The following TMX3 variants were observed in gnomAD, a reference collection of about 807,000 sequenced individuals.
The protein encoded by TMX3 is protein disulfide-isomerase TMX3.
A neutral mutation model predicts 64.4 loss-of-function variants in TMX3; 40 were observed. That is an observed-to-expected ratio of 0.62 (90% CI 0.48 to 0.81). TMX3 has a LOEUF of 0.81. TMX3 is among the 30% of genes least tolerant of loss of function. The pLI, the probability that TMX3 is intolerant of heterozygous loss-of-function variation, is 0.00. For synonymous variants in TMX3, 189 were observed against 175.7 expected (o/e 1.08, Z -0.60); for missense variants, 497 against 534.5 (o/e 0.93, Z 0.69).
intron 4 of TMX3, among the ~76,000 whole-genome samples, chr18:68,709,361 T>G (rs565018968): frequency 4.1e-4 from 62 of 152,302 alleles, no homozygotes; most frequent in Non-Finnish European, 5.1e-4. Context: ...CAGATAAATA[T>G]TTTAGGCTTT....
intron 8 of TMX3, among the ~76,000 whole-genome samples, chr18:68,694,608 C>T (rs167444): frequency 0.21 from 32,095 of 151,928 alleles, 4,997 homozygotes; most frequent in African/African-American, 0.44. Context: ...GCCCAGTGGG[C>T]GCAAGCAAAA....
At chr18:68,708,079 A>G (rs146005099) in intron 4 of TMX3, among the ~76,000 whole-genome samples, 2 of 150,998 alleles carry the variant, frequency 1.3e-5, no homozygotes, top group Admixed American at 6.6e-5. Flanking sequence ...GTATATGTGT[A>G]TATATATGTG....
At chr18:68,690,680 C>T (rs928177453) in intron 9 of TMX3, among the ~76,000 whole-genome samples, 2 of 152,144 alleles carry the variant, frequency 1.3e-5, no homozygotes, top group African/African-American at 2.4e-5. Flanking sequence ...TAAAGTACTT[C>T]AGCAAATTGA....
chr18:68,701,942 G>C, intron 4 of TMX3, 152 bp from the exon 5 acceptor site: 1 of 565,046 alleles, frequency 1.8e-6, no homozygotes, highest in Non-Finnish European at 3.1e-6. Context: ...TCACACAAAA[G>C]AAAAAAACAT....
intron 8 of TMX3, among the ~76,000 whole-genome samples, chr18:68,694,376 T>C (rs990716400): frequency 1.3e-5 from 2 of 152,210 alleles, no homozygotes; most frequent in Non-Finnish European, 2.9e-5. Context: ...TGGAAGCCAC[T>C]TGCAGTACAT....
chr18:68,712,475 C>A (rs1245648350), intron 2 of TMX3, among the ~76,000 whole-genome samples: 1 of 152,182 alleles, frequency 6.6e-6, no homozygotes, highest in Non-Finnish European at 1.5e-5. Flanking sequence ...CCGGAGGCAA[C>A]TGGTTGCACA....
chr18:68,711,688 A>G (rs1479072477), intron 2 of TMX3, among the ~76,000 whole-genome samples: 1 of 152,188 alleles, frequency 6.6e-6, no homozygotes, highest in African/African-American at 2.4e-5. Flanking sequence ...TTGCCCTTCT[A>G]GAACATTTTA....
At position 68,707,972 on chromosome 18, in the gene TMX3, CAT is replaced by C. The variant is rs537850827; in HGVS notation, c.265+2047_265+2048del. ...ATGTGTATATATGTGTATATGTGTA[CAT>C]ATATGTGTATGTGTATATATGTGTA... On this transcript the variant is annotated intron_variant, in intron 4 of 15. Coordinates refer to ENST00000299608, the MANE Select transcript of TMX3 (RefSeq NM_019022.5). Among the ~76,000 whole-genome samples the C allele has an allele frequency of 2.4e-3, 350 of 142,952 alleles. 2 individuals carry two copies. The highest frequency in any genetic ancestry group is 8.4e-3 in the African/African-American group (320 of 37,934). The allele number at this position is 142,952 out of a possible 152,430, so 93.8% of individuals were successfully genotyped here.
chr18:68,701,790 C>G lies in TMX3; in HGVS notation c.266G>C (p.Ser89Thr). Residue 89 changes from serine (S) to threonine (T), a missense_variant and splice_region_variant, in exon 5 of 16, where the codon AGC becomes ACC. Around this residue, in one of 3 missense-constraint regions of TMX3, gnomAD observed 360 missense variants for 383.5 expected, o/e 0.94. Coordinates refer to ENST00000299608, the MANE Select transcript of TMX3 (RefSeq NM_019022.5). ...TCGAACTCCAAACTCTGAAGCAATG[C>G]CTTGATAAGAAAAAGAATAAAGCAT... ...VGKMDATSYS[S>T]IASEFGVRGY... The G allele has an allele frequency of 6.2e-7, 1 of 1,609,768 alleles. No homozygotes were observed. Among genetic ancestry groups the G allele is most frequent in the Admixed American group, 1.7e-5 (1 of 59,798 alleles).
chr18:68,703,930 A>AAAAC (rs539227857), intron 4 of TMX3, among the ~76,000 whole-genome samples: 1,796 of 152,170 alleles, frequency 0.012, 10 homozygotes, highest in African/African-American at 0.021. Context: ...ACTCTGTCTC[A>AAAAC]AAACAAACAA....
intron 5 of TMX3, chr18:68,701,177 A>C: frequency 4.4e-6 from 1 of 229,834 alleles, no homozygotes; most frequent in Non-Finnish European, 7.2e-6. Context: ...CAATATATAA[A>C]TTGAAATTAC....
chr18:68,674,966 ACT>A lies in TMX3; in HGVS notation c.*1965_*1966del, dbSNP rs568682975. 2 of 152,092 alleles carry A rather than the reference ACT, an allele frequency of 1.3e-5. No individual in the cohort carries two copies. Among genetic ancestry groups the A allele is most frequent in the Non-Finnish European group, 2.9e-5 (2 of 67,974 alleles). The allele number at this position is 152,092 out of a possible 1,614,324, so 9.4% of individuals were successfully genotyped here. A position where few individuals can be genotyped will look rare whatever the true frequency, so the allele number is the denominator to read the frequency against. ...GATGTTTGCATTCACACTGAGCTTT[ACT>A]CTTTTTTTCCTATTAAGGTCTTTCA... On this transcript the variant is annotated 3_prime_UTR_variant, in exon 16 of 16. Coordinates refer to ENST00000299608, the MANE Select transcript of TMX3 (RefSeq NM_019022.5).
At position 68,713,882 on chromosome 18, in the gene TMX3, A is replaced by C; in HGVS notation, c.65T>G (p.Val22Gly). The C allele has an allele frequency of 6.3e-7, 1 of 1,582,588 alleles. No homozygotes were observed. Among genetic ancestry groups the C allele is most frequent in the Non-Finnish European group, 8.6e-7 (1 of 1,156,720 alleles). ...ATCTTCTACAAATCCTTTACAGACG[A>C]CCATATCAAGTACAACAACTGAAAA... Reference protein sequence around the residue: ...LCATVVVLDMVVCKGFVEDLD... With the variant: ...LCATVVVLDMGVCKGFVEDLD... The change falls in exon 2 of 16, where the codon GTC (valine) becomes GGC (glycine). Residue 22 changes from valine to glycine, a missense_variant. Physicochemically the swap from Val to Gly is moderately radical, Grantham distance 109 (BLOSUM62 -3). Coordinates refer to ENST00000299608, the MANE Select transcript of TMX3 (RefSeq NM_019022.5).
intron 15 of TMX3, among the ~76,000 whole-genome samples, chr18:68,677,673 A>G (rs1306549742): frequency 6.6e-6 from 1 of 152,150 alleles, no homozygotes; most frequent in African/African-American, 2.4e-5. Flanking sequence ...TTGACTTACT[A>G]ATTTCCCTCA....
intron 4 of TMX3, among the ~76,000 whole-genome samples, chr18:68,704,983 T>C (rs2030520363): frequency 6.6e-6 from 1 of 152,200 alleles, no homozygotes; most frequent in African/African-American, 2.4e-5. Context: ...ACCTCTAAAG[T>C]CCTTTTTAGC....
At chr18:68,687,220 C>T (rs909640428) in intron 10 of TMX3, 5 of 985,210 alleles carry the variant, frequency 5.1e-6, no homozygotes, top group African/African-American at 3.5e-5. Flanking sequence ...TTTTTGTATT[C>T]GTGTTTGTGT....
At chr18:68,693,045 T>C (rs1222118496) in intron 8 of TMX3, among the ~76,000 whole-genome samples, 1 of 152,222 alleles carries the variant, frequency 6.6e-6, no homozygotes, top group Non-Finnish European at 1.5e-5. Flanking sequence ...TGTGGCTCAC[T>C]GGACTTGGGA....
intron 9 of TMX3, chr18:68,688,035 T>TA: frequency 4.4e-6 from 1 of 226,476 alleles, no homozygotes; most frequent in East Asian, 9.7e-5. Flanking sequence ...ATAATTTAAA[T>TA]AAATTTTGGT....
intron 10 of TMX3, 31 bp from the exon 11 acceptor site, chr18:68,684,516 A>G (rs754867347): frequency 2.5e-6 from 4 of 1,584,610 alleles, no homozygotes; most frequent in Middle Eastern, 1.7e-4. Context: ...TCTGAATTCA[A>G]TCACCCTTAT....
Sources: allele counts gnomAD v4.1 joint callset (sites outside exome capture counted in the v4.1 genomes callset), GRCh38; gene constraint gnomAD v4.1.1; regional missense constraint gnomAD v4.1.1; transcripts MANE v1.5; gene names NCBI Gene and HGNC (gene_info 2026-07-23, HGNC 2026-07-21).